GLIPR2: variants seen among roughly 807,000 people sequenced by gnomAD.
GLIPR2 encodes GLI pathogenesis related 2.
In GLIPR2, 21 loss-of-function variants were observed where a neutral mutation model predicts 20.4. The observed-to-expected ratio is 1.03, with a 90% CI of 0.73 to 1.48. The LOEUF is 1.48. Ranked by LOEUF, GLIPR2 falls within the 40% of genes most tolerant of loss-of-function variation. The pLI, the probability that GLIPR2 is intolerant of heterozygous loss-of-function variation, is 0.00. For missense variants in GLIPR2, 205 were observed against 200.1 expected (o/e 1.02, Z -0.15); for synonymous variants, 91 against 80.5 (o/e 1.13, Z -0.70).
chr9:36,136,700 C>G (rs1824830182), upstream of GLIPR2: 9 of 1,073,018 alleles, frequency 8.4e-6, no homozygotes, highest in Non-Finnish European at 9.4e-6. This position sits in a 1 kb window ranked among gnomAD's most constrained non-coding sequence, Gnocchi z 4.3. Context: ...CAGCCCGGTC[C>G]TGGGCTCTGG....
rs964509979 is a variant in GLIPR2, at chr9:36,148,728, C to G, written c.226+78C>G. 10 of 899,414 alleles carry G rather than the reference C, an allele frequency of 1.1e-5. No homozygotes were observed. In the Admixed American group the frequency reaches 2.0e-4, roughly 18 times the overall value. 55.7% of individuals were successfully genotyped at this position (899,414 alleles called of 1,614,324 possible). ...AGTCCTCCTGAAATGCCTCCTGGCC[C>G]CAGCACCCTCGTGGTGTAGCCACAG... On this transcript the variant is annotated intron_variant, in intron 3 of 4. Coordinates refer to ENST00000377960, the MANE Select transcript of GLIPR2 (RefSeq NM_022343.4).
At chr9:36,152,619 G>A (rs1436058480) in intron 4 of GLIPR2, among the ~76,000 whole-genome samples, 2 of 151,442 alleles carry the variant, frequency 1.3e-5, no homozygotes, top group Non-Finnish European at 2.9e-5. Context: ...GCATGATGGT[G>A]CATGCCTGTA....
intron 4 of GLIPR2, among the ~76,000 whole-genome samples, chr9:36,153,006 T>A (rs1365336908): frequency 7.3e-6 from 1 of 136,324 alleles, no homozygotes. Flanking sequence ...CAGGTGTCTG[T>A]AATCCCAGCT....
chr9:36,154,704 C>T (rs1825754462), intron 4 of GLIPR2, among the ~76,000 whole-genome samples: 1 of 152,334 alleles, frequency 6.6e-6, no homozygotes, highest in African/African-American at 2.4e-5. Flanking sequence ...TAATTCATCT[C>T]TGAATACCCA....
chr9:36,161,523 G>C (rs886585996), intron 4 of GLIPR2, among the ~76,000 whole-genome samples: 9 of 151,710 alleles, frequency 5.9e-5, no homozygotes, highest in Non-Finnish European at 1.3e-4. Flanking sequence ...AAAGGGCCCA[G>C]GATTGAGCCC....
In GLIPR2 at chr9:36,162,784, T is replaced by G; in HGVS notation, c.*262T>G. ...ATTGGGGGGAGGGGGGATCCGTTTTTTTTTTTTAATTTTTTGTTATTTCTA... is the reference window on the plus strand; with the variant it reads ...ATTGGGGGGAGGGGGGATCCGTTTTGTTTTTTTAATTTTTTGTTATTTCTA... On this transcript the variant is annotated 3_prime_UTR_variant, in exon 5 of 5. Transcript: ENST00000377960. The G allele has an allele frequency of 1.9e-6, 1 of 531,102 alleles. No individual in the cohort carries two copies. Among genetic ancestry groups the G allele is most frequent in the Non-Finnish European group, 3.4e-6 (1 of 293,534 alleles). 32.9% of individuals were successfully genotyped at this position (531,102 alleles called of 1,614,324 possible). A position where few individuals can be genotyped will look rare whatever the true frequency, so the allele number is the denominator to read the frequency against.
At chr9:36,162,252 T>C in intron 4 of GLIPR2, 110 bp from the exon 5 acceptor site, 3 of 1,601,162 alleles carry the variant, frequency 1.9e-6, no homozygotes, top group Non-Finnish European at 1.7e-6. Context: ...AAGACCATGC[T>C]GACCTGAGCC....
At chr9:36,139,008 G>T (rs1337793337) in intron 1 of GLIPR2, among the ~76,000 whole-genome samples, 2 of 152,068 alleles carry the variant, frequency 1.3e-5, no homozygotes, top group Non-Finnish European at 1.5e-5. Flanking sequence ...AAGGTGGAGG[G>T]AGGATAGGGG....
In GLIPR2 at chr9:36,162,468, G is replaced by T. The variant is rs1170218170; in HGVS notation, c.411G>T (p.Gly137=). 3 of 1,614,168 alleles carry T rather than the reference G, an allele frequency of 1.9e-6. No homozygotes were observed. The highest frequency in any genetic ancestry group is 4.5e-5 in the East Asian group (2 of 44,886). Residue 137 remains glycine, a synonymous_variant, in exon 5 of 5, where the codon GGG becomes GGT. Coordinates refer to ENST00000377960, the MANE Select transcript of GLIPR2 (RefSeq NM_022343.4). ...SFVVARYFPA[G]NVVNEGFFEE... ...TGGTGGCCAGATACTTCCCAGCGGGGAATGTTGTCAATGAGGGCTTCTTCG... is the reference window on the plus strand; with the variant it reads ...TGGTGGCCAGATACTTCCCAGCGGGTAATGTTGTCAATGAGGGCTTCTTCG...
At chr9:36,161,867 G>A (rs1268441267) in intron 4 of GLIPR2, among the ~76,000 whole-genome samples, 1 of 152,164 alleles carries the variant, frequency 6.6e-6, no homozygotes, top group African/African-American at 2.4e-5. Flanking sequence ...GGTCTGTGTG[G>A]CTGATAGAAA....
chr9:36,159,701 T>A (rs1048493315), intron 4 of GLIPR2, among the ~76,000 whole-genome samples: 2 of 152,112 alleles, frequency 1.3e-5, no homozygotes, highest in Admixed American at 1.3e-4. Flanking sequence ...GCATGGTGGC[T>A]CACACCTGTA....
chr9:36,155,729 G>C (rs1268577925), intron 4 of GLIPR2, among the ~76,000 whole-genome samples: 10 of 152,274 alleles, frequency 6.6e-5, no homozygotes, highest in Middle Eastern at 3.4e-3. Flanking sequence ...AGAACTAGAA[G>C]AGTGTGTACA....
At chr9:36,150,736 A>T (rs1426278987) in intron 3 of GLIPR2, 136 bp from the exon 4 acceptor site, 3 of 649,308 alleles carry the variant, frequency 4.6e-6, no homozygotes, top group African/African-American at 1.8e-5. Flanking sequence ...AGCGTCCAGG[A>T]TGTGTCAGCT....
At chr9:36,145,757 G>A (rs1825303769) in intron 1 of GLIPR2, among the ~76,000 whole-genome samples, 1 of 152,164 alleles carries the variant, frequency 6.6e-6, no homozygotes, top group Admixed American at 6.6e-5. Flanking sequence ...TGGATGGACA[G>A]ATGAATGGAA....
intron 1 of GLIPR2, among the ~76,000 whole-genome samples, chr9:36,139,860 G>A (rs1587126110): frequency 1.3e-5 from 2 of 152,150 alleles, no homozygotes; most frequent in African/African-American, 4.8e-5. Context: ...CAGCAAGTGT[G>A]GTGGGGAAGA....
Position 36,136,869 on chromosome 9 carries a change from G to A in GLIPR2, c.13+78G>A. ...GACCTCGCCGTCTCCCTCGTCCGCC[G>A]CAAGCCAGGTCCTGGGGAGTGCGGG... On this transcript the variant is annotated intron_variant, in intron 1 of 4. Coordinates refer to ENST00000377960, the MANE Select transcript of GLIPR2 (RefSeq NM_022343.4). The surrounding 1 kb of genome is among the most constrained non-coding windows in gnomAD (Gnocchi z 4.3). 3.2e-6 allele frequency: 4 copies of A among 1,251,554 alleles called. No individual in the cohort carries two copies. Among genetic ancestry groups the A allele is most frequent in the Non-Finnish European group, 4.0e-6 (4 of 996,450 alleles). The allele number at this position is 1,251,554 out of a possible 1,614,324, so 77.5% of individuals were successfully genotyped here.
intron 1 of GLIPR2, chr9:36,144,344 T>C (rs960415970): frequency 2.0e-5 from 3 of 152,264 alleles, no homozygotes; most frequent in African/African-American, 7.2e-5. Context: ...AAGTGTACAG[T>C]TCTGTAGTGT....
rs1222297192 is a variant in GLIPR2 at position 36,154,106 on chromosome 9, C to CA, written c.304+3157_304+3158insA. Among the ~76,000 whole-genome samples, 142 of 146,142 alleles carry CA rather than the reference C, an allele frequency of 9.7e-4. 1 individual carries two copies. Among genetic ancestry groups the CA allele is most frequent in the Non-Finnish European group, 1.8e-4 (12 of 66,768 alleles). Reference sequence around the variant, plus strand: ...TATTATATATATATATCTTTTCCCCCCCCCTTTGAGACCGAGTCTCACTCC... The same window carrying CA: ...TATTATATATATATATCTTTTCCCCCACCCCTTTGAGACCGAGTCTCACTCC... On this transcript the variant is annotated intron_variant, in intron 4 of 4. Transcript: ENST00000377960.
rs776292008 is a variant in GLIPR2, at chr9:36,162,349, C to T, written c.305-13C>T. 8.1e-6 allele frequency: 13 copies of T among 1,605,194 alleles called. No individual in the cohort carries two copies. Among genetic ancestry groups the T allele is most frequent in the African/African-American group, 4.0e-5 (3 of 74,462 alleles). On this transcript the variant is annotated splice_polypyrimidine_tract_variant and intron_variant, in intron 4 of 4. Coordinates refer to ENST00000377960, the MANE Select transcript of GLIPR2 (RefSeq NM_022343.4). ...TCAGCCGTGTCCCTCTCCCTCTGCC[C>T]GTTCCCCTACAGGACACTTCACGGC...
Sources: gnomAD v4.1 joint callset for allele counts (sites outside exome capture counted in the v4.1 genomes callset) on GRCh38, gnomAD v4.1.1 for gene constraint, Gnocchi (gnomAD v3.1) non-coding constraint, MANE v1.5 for transcripts, NCBI Gene and HGNC (gene_info 2026-07-23, HGNC 2026-07-21) for gene names.